Variants in RIMS2 observed in about 807,000 individuals in gnomAD.
RIMS2 encodes the protein regulating synaptic membrane exocytosis 2.
In RIMS2, 59 loss-of-function variants were observed where a neutral mutation model predicts 174.4. The observed-to-expected ratio is 0.34, with a 90% CI of 0.27 to 0.42. The LOEUF (loss-of-function observed/expected upper bound fraction) is 0.42. Ranked by LOEUF, RIMS2 falls within the 10% of genes least tolerant of loss-of-function variation. The pLI, the probability that RIMS2 is intolerant of heterozygous loss-of-function variation, is 1.00. For missense variants in RIMS2, 1,620 were observed against 1,666.3 expected, an observed-to-expected ratio of 0.97 and a Z score of 0.48; for synonymous variants, 606 against 572.5, an observed-to-expected ratio of 1.06 and a Z score of -0.84.
rs529173262 is a variant in RIMS2, at chr8:103,787,834, G to A, written c.698+21297G>A. ...CGTTGGCCTGCCTTGCTAGATCGGG[G>A]AAGTTCTCCTGGATAATATCCTGCA... On this transcript the variant is annotated intron_variant, in intron 3 of 23. Transcript: ENST00000504942. Among the ~76,000 whole-genome samples, 66 of 152,166 alleles carry A rather than the reference G, an allele frequency of 4.3e-4. 1 individual carries two copies. In the South Asian group the frequency reaches 0.013, roughly 30 times the overall value.
intron 19 of RIMS2, among the ~76,000 whole-genome samples, chr8:104,197,954 AAATAAT>A (rs562197053): frequency 2.0e-5 from 3 of 151,404 alleles, no homozygotes; most frequent in Non-Finnish European, 2.9e-5. Context: ...AGCTCTCTAA[AAATAAT>A]AATAATAATA....
At chr8:103,626,828 A>AG (rs201018670) in intron 1 of RIMS2, among the ~76,000 whole-genome samples, 1,765 of 151,896 alleles carry the variant, frequency 0.012, 33 homozygotes, top group African/African-American at 0.039. Context: ...TTAAAAGGGG[A>AG]GGGGGGGTGT....
chr8:103,958,085 A>G (rs894873751), intron 14 of RIMS2, among the ~76,000 whole-genome samples: 2 of 152,230 alleles, frequency 1.3e-5, no homozygotes, highest in Non-Finnish European at 2.9e-5. Context: ...TCATTCTACC[A>G]TAATGACACA....
At chr8:104,074,900 G>A (rs1053734710) in intron 19 of RIMS2, among the ~76,000 whole-genome samples, 11 of 151,938 alleles carry the variant, frequency 7.2e-5, no homozygotes, top group Non-Finnish European at 1.5e-4. Flanking sequence ...CTAAGACCAC[G>A]TTTATAAAAG....
rs545734455 is a variant in RIMS2 at position 104,119,981 on chromosome 8, A to G, written c.3334+105366A>G. ...TGTAGGGCACATTGTGAAAACACAG[A>G]GTTACTGTCCAATAAGTTTTTTAGC... On this transcript the variant is annotated intron_variant, in intron 19 of 23. Transcript: ENST00000504942. Among the ~76,000 whole-genome samples, 16 of 152,300 alleles carry G rather than the reference A, an allele frequency of 1.1e-4. No individual in the cohort carries two copies. In the South Asian group the frequency reaches 3.3e-3, roughly 32 times the overall value.
chr8:103,861,652 A>C (rs2099059539), intron 3 of RIMS2, among the ~76,000 whole-genome samples: 2 of 151,892 alleles, frequency 1.3e-5, no homozygotes, highest in Non-Finnish European at 2.9e-5. Flanking sequence ...TTGTTTTTTG[A>C]CTTTTTAATT....
intron 3 of RIMS2, among the ~76,000 whole-genome samples, chr8:103,857,779 A>G (rs1350573223): frequency 2.6e-5 from 4 of 152,236 alleles, no homozygotes; most frequent in Non-Finnish European, 5.9e-5. Flanking sequence ...CACTATGTCT[A>G]TTACAACTCT....
intron 19 of RIMS2, among the ~76,000 whole-genome samples, chr8:104,200,800 G>C (rs1346400885): frequency 1.3e-5 from 2 of 152,072 alleles, no homozygotes; most frequent in African/African-American, 4.8e-5. Flanking sequence ...TGTAGTCCCA[G>C]CTACCTGAGT....
chr8:103,798,000 A>G (rs373578453), intron 3 of RIMS2, among the ~76,000 whole-genome samples: 1 of 152,146 alleles, frequency 6.6e-6, no homozygotes, highest in Admixed American at 6.6e-5. Context: ...TAGCTCATAT[A>G]CTGTGCTGCC....
chr8:103,864,830 T>C (rs1223340824), intron 3 of RIMS2, among the ~76,000 whole-genome samples: 1 of 152,190 alleles, frequency 6.6e-6, no homozygotes, highest in Non-Finnish European at 1.5e-5. Flanking sequence ...CTCTAGAGCT[T>C]GTGGCTTGTG....
intron 19 of RIMS2, among the ~76,000 whole-genome samples, chr8:104,151,579 A>G (rs983482090): frequency 2.0e-5 from 2 of 99,694 alleles, no homozygotes; most frequent in Non-Finnish European, 4.6e-5. Flanking sequence ...CACTCCCCCA[A>G]CTCCAGAAAA....
chr8:103,786,279 C>G (rs201041989), intron 3 of RIMS2, among the ~76,000 whole-genome samples: 24 of 152,070 alleles, frequency 1.6e-4, no homozygotes, highest in South Asian at 8.3e-4. Context: ...CTTCAGTTCT[C>G]CTCTGATTTT....
At chr8:104,103,040 T>G (rs1295974724) in intron 19 of RIMS2, among the ~76,000 whole-genome samples, 1 of 152,208 alleles carries the variant, frequency 6.6e-6, no homozygotes, top group Non-Finnish European at 1.5e-5. Flanking sequence ...CAATGGAATA[T>G]TATTCAGCTG....
chr8:103,710,107 T>C lies in RIMS2; in HGVS notation c.387+12811T>C, dbSNP rs143479390. On this transcript the variant is annotated intron_variant, in intron 2 of 23. Coordinates refer to ENST00000504942, the Ensembl canonical transcript of RIMS2. The stretch of plus-strand genomic sequence containing the variant: ...GTTGCCTTATGTAGAAGGCTTTTGT[T>C]CCCAACAGGTACTAAATACATTTCT... Among the ~76,000 whole-genome samples, 938 of 152,220 alleles carry C rather than the reference T, an allele frequency of 6.2e-3. 12 individuals carry two copies. Among genetic ancestry groups the C allele is most frequent in the African/African-American group, 0.021 (888 of 41,532 alleles).
intron 1 of RIMS2, among the ~76,000 whole-genome samples, chr8:103,547,746 G>A (rs564397567): frequency 1.3e-5 from 2 of 152,134 alleles, no homozygotes; most frequent in South Asian, 4.2e-4. Context: ...CAATAAATAA[G>A]AATGATAGCT....
intron 19 of RIMS2, among the ~76,000 whole-genome samples, chr8:104,024,468 T>G (rs895262011): frequency 3.9e-5 from 6 of 152,226 alleles, no homozygotes; most frequent in Non-Finnish European, 7.3e-5. Context: ...TGTGTTGATA[T>G]ACCATGCCTC....
chr8:103,813,441 T>A (rs916548159), intron 3 of RIMS2, among the ~76,000 whole-genome samples: 3 of 151,276 alleles, frequency 2.0e-5, no homozygotes, highest in Non-Finnish European at 4.4e-5. Context: ...CTAGGGTACA[T>A]GTGCACAACG....
At chr8:103,860,527 G>C (rs1416091661) in intron 3 of RIMS2, among the ~76,000 whole-genome samples, 1 of 152,060 alleles carries the variant, frequency 6.6e-6, no homozygotes, top group African/African-American at 2.4e-5. Context: ...AGTTGTTTGT[G>C]AGAATTAAAT....
At chr8:103,698,741 G>T (rs984622833) in intron 2 of RIMS2, among the ~76,000 whole-genome samples, 1 of 152,086 alleles carries the variant, frequency 6.6e-6, no homozygotes, top group Non-Finnish European at 1.5e-5. Flanking sequence ...AAGTAGCTGG[G>T]ACGACAGACA....
Sources: gnomAD v4.1 joint callset for allele counts (sites outside exome capture counted in the v4.1 genomes callset) on GRCh38, gnomAD v4.1.1 for gene constraint, MANE v1.5 for transcripts, NCBI Gene and HGNC (gene_info 2026-07-23, HGNC 2026-07-21) for gene names.